Variants in TPO observed in about 807,000 individuals in gnomAD.
TPO encodes thyroid peroxidase, also known as thyroid microsomal antigen.
Under a neutral mutation model 96.9 loss-of-function variants are expected in TPO, and 78 were observed. The ratio of observed to expected loss-of-function variants is 0.81; its 90% CI spans 0.67 to 0.97. The LOEUF (loss-of-function observed/expected upper bound fraction) is 0.97. TPO is among the 50% of genes least tolerant of loss of function. The pLI is 0.00. For synonymous variants in TPO, 547 were observed against 538.0 expected (o/e 1.02, Z -0.23); for missense variants, 1,252 against 1,274.8 (o/e 0.98, Z 0.27).
At chr2:1,472,591 C>T (rs1334745832) in intron 7 of TPO, among the ~76,000 whole-genome samples, 1 of 152,138 alleles carries the variant, frequency 6.6e-6, no homozygotes, top group Non-Finnish European at 1.5e-5. Flanking sequence ...GACTGTTCCA[C>T]ACTCCGGGTC....
chr2:1,464,146 T>G (rs1048886418), intron 7 of TPO, among the ~76,000 whole-genome samples: 4 of 152,344 alleles, frequency 2.6e-5, no homozygotes, highest in South Asian at 2.1e-4. Context: ...GAACATAAAA[T>G]GTTTGGTTTT....
chr2:1,453,867 T>G (rs905694911), intron 6 of TPO, 44 bp downstream of exon 6: 28 of 1,613,010 alleles, frequency 1.7e-5, no homozygotes, highest in African/African-American at 4.0e-5. Context: ...GATTGGGTCC[T>G]GTGATGCTGA....
chr2:1,439,708 C>A (rs937298302), intron 5 of TPO, among the ~76,000 whole-genome samples: 2 of 152,126 alleles, frequency 1.3e-5, no homozygotes, highest in African/African-American at 4.8e-5. Flanking sequence ...GACTCCCCCT[C>A]TCCCCCTCAC....
At chr2:1,488,306 C>T (rs1671368540) in intron 10 of TPO, among the ~76,000 whole-genome samples, 1 of 152,110 alleles carries the variant, frequency 6.6e-6, no homozygotes, top group Non-Finnish European at 1.5e-5. Flanking sequence ...TATCTGGTAT[C>T]CCGGGAAGCT....
chr2:1,418,284 C>CAAA (rs1168526107), intron 2 of TPO, among the ~76,000 whole-genome samples: 7 of 93,006 alleles, frequency 7.5e-5, no homozygotes, highest in African/African-American at 2.5e-4. Context: ...GAATCCATCT[C>CAAA]AAAAAAAAAA....
At position 1,436,307 on chromosome 2, in the gene TPO, T is replaced by C. The variant is rs1397604482; in HGVS notation, c.405T>C (p.Pro135=). The part of the protein sequence containing the change: ...SIIANMSGCL[P]YMLPPKCPNT... ...TTGCAAACATGTCTGGATGTCTCCC[T>C]TACATGCTGCCCCCAAAATGCCCAA... Residue 135 remains proline (P), a synonymous_variant, in exon 5 of 17, where the codon CCT becomes CCC. Transcript: ENST00000329066. 1 of 1,614,210 alleles carries C rather than the reference T, an allele frequency of 6.2e-7. No homozygotes were observed. Among genetic ancestry groups the C allele is most frequent in the South Asian group, 1.1e-5 (1 of 91,082 alleles).
intron 8 of TPO, 107 bp from the exon 9 acceptor site, chr2:1,484,489 T>G: frequency 6.9e-7 from 1 of 1,450,434 alleles, no homozygotes; most frequent in South Asian, 1.2e-5. Context: ...ACGAGAAGGG[T>G]CCAGTTCCCT....
At chr2:1,460,825 G>T (rs1004989582) in intron 7 of TPO, among the ~76,000 whole-genome samples, 2 of 152,072 alleles carry the variant, frequency 1.3e-5, no homozygotes, top group Non-Finnish European at 2.9e-5. Flanking sequence ...CCCTGGAGCT[G>T]CACTGAGAGA....
intron 3 of TPO, among the ~76,000 whole-genome samples, chr2:1,425,585 A>G (rs1198556421): frequency 3.5e-5 from 5 of 144,244 alleles, no homozygotes; most frequent in Non-Finnish European, 4.6e-5. Flanking sequence ...AGCTCCTTCT[A>G]TGCAGTCATT....
intron 3 of TPO, among the ~76,000 whole-genome samples, chr2:1,432,524 AG>A (rs1665090291): frequency 8.0e-6 from 1 of 125,200 alleles, no homozygotes. Flanking sequence ...CCTGCAGGTG[AG>A]GGGAGGCCTG....
At chr2:1,399,098 G>A (rs570532795) in intron 1 of TPO, among the ~76,000 whole-genome samples, 45 of 152,336 alleles carry the variant, frequency 3.0e-4, no homozygotes, top group African/African-American at 1.0e-3. Flanking sequence ...CCCAGGTGGC[G>A]GCTGCAGTTG....
At chr2:1,403,612 C>T (rs1409106395) in intron 1 of TPO, among the ~76,000 whole-genome samples, 1 of 152,200 alleles carries the variant, frequency 6.6e-6, no homozygotes, top group Non-Finnish European at 1.5e-5. Context: ...TTCTTTGGAA[C>T]TACCTGTGGC....
At chr2:1,523,150 C>T (rs1157507713) in intron 15 of TPO, among the ~76,000 whole-genome samples, 1 of 148,792 alleles carries the variant, frequency 6.7e-6, no homozygotes, top group Middle Eastern at 3.4e-3. Context: ...GTGCATCCTC[C>T]CAAAATCCCC....
At chr2:1,448,571 G>A (rs896932879) in intron 5 of TPO, among the ~76,000 whole-genome samples, 3 of 152,204 alleles carry the variant, frequency 2.0e-5, no homozygotes, top group East Asian at 1.9e-4. Context: ...GAGTTACGGC[G>A]ACTGTCACCT....
chr2:1,515,991 A>G (rs2125071341), intron 14 of TPO, among the ~76,000 whole-genome samples: 1 of 152,332 alleles, frequency 6.6e-6, no homozygotes, highest in South Asian at 2.1e-4. Context: ...TCGAATGGGT[A>G]TCCAAACAGA....
At chr2:1,482,814 C>T (rs1182114509) in intron 8 of TPO, among the ~76,000 whole-genome samples, 1 of 152,156 alleles carries the variant, frequency 6.6e-6, no homozygotes, top group Non-Finnish European at 1.5e-5. Flanking sequence ...GCTGGGACTA[C>T]AGGTGTACAC....
chr2:1,478,565 T>C (rs140108909), intron 8 of TPO, among the ~76,000 whole-genome samples: 495 of 152,318 alleles, frequency 3.2e-3, no homozygotes, highest in African/African-American at 0.011. Flanking sequence ...GAGCAGAGGG[T>C]CTGGGAAGCC....
intron 4 of TPO, among the ~76,000 whole-genome samples, chr2:1,434,143 TGTC>T (rs1156712897): frequency 1.3e-5 from 2 of 152,204 alleles, no homozygotes; most frequent in Non-Finnish European, 2.9e-5. Flanking sequence ...CAGGAGCAAA[TGTC>T]GTCATTTCTT....
chr2:1,534,531 TG>T, intron 15 of TPO, among the ~76,000 whole-genome samples: 3 of 76,998 alleles, frequency 3.9e-5, no homozygotes, highest in Non-Finnish European at 8.2e-5. Flanking sequence ...CCTCCCACTC[TG>T]TGCAACCTCC....
Sources: allele counts gnomAD v4.1 joint callset (sites outside exome capture counted in the v4.1 genomes callset), GRCh38; gene constraint gnomAD v4.1.1; transcripts MANE v1.5; gene names NCBI Gene and HGNC (gene_info 2026-07-23, HGNC 2026-07-21).